The following SLC35D4 variants were observed in gnomAD, a reference collection of about 807,000 sequenced individuals.
SLC35D4 encodes UDP-N-acetylglucosamine transporter SLC35D4.
At chr18:23,418,974 C>T in the SLC35D4 span, among the ~76,000 whole-genome samples, 2 of 151,606 alleles carry the variant, frequency 1.3e-5, no homozygotes, top group Non-Finnish European at 2.9e-5. Flanking sequence ...CGCCACTGCA[C>T]TCCAGCCTGG....
At chr18:23,351,525 A>G in the SLC35D4 span, among the ~76,000 whole-genome samples, 2 of 152,306 alleles carry the variant, frequency 1.3e-5, no homozygotes, top group East Asian at 3.9e-4. Flanking sequence ...AGAAACTTCA[A>G]CCCATAAAAC....
At chr18:23,319,264 AT>A in the SLC35D4 span, among the ~76,000 whole-genome samples, 1 of 149,550 alleles carries the variant, frequency 6.7e-6, no homozygotes, top group African/African-American at 2.5e-5. Context: ...TTATTTATTT[AT>A]TTATTTATTT....
the SLC35D4 span, among the ~76,000 whole-genome samples, chr18:23,282,683 G>A: frequency 1.3e-5 from 2 of 152,234 alleles, no homozygotes; most frequent in East Asian, 3.9e-4. Flanking sequence ...CAGGGTAGGG[G>A]TGGGAGTGGG....
At chr18:23,425,201 A>G in the SLC35D4 span, among the ~76,000 whole-genome samples, 1 of 152,122 alleles carries the variant, frequency 6.6e-6, no homozygotes, top group African/African-American at 2.4e-5. Context: ...CCTGGGTTCA[A>G]GCAATTTGCG....
chr18:23,344,845 C>T, the SLC35D4 span, among the ~76,000 whole-genome samples: 4 of 152,148 alleles, frequency 2.6e-5, no homozygotes, highest in African/African-American at 9.7e-5. Flanking sequence ...CATGATCCGC[C>T]CGCCTTGGCC....
At chr18:23,348,245 C>T in the SLC35D4 span, among the ~76,000 whole-genome samples, 3 of 152,128 alleles carry the variant, frequency 2.0e-5, no homozygotes, top group African/African-American at 7.2e-5. Context: ...GTTTTGTCAA[C>T]CAGCATACTA....
the SLC35D4 span, among the ~76,000 whole-genome samples, chr18:23,264,010 G>T: frequency 6.6e-6 from 1 of 152,166 alleles, no homozygotes; most frequent in African/African-American, 2.4e-5. Flanking sequence ...CCTATCACAG[G>T]GCCTGGTACA....
chr18:23,246,752 C>T, the SLC35D4 span, among the ~76,000 whole-genome samples: 1 of 151,868 alleles, frequency 6.6e-6, no homozygotes, highest in African/African-American at 2.4e-5. Context: ...AGAGCAGTGG[C>T]ACCATCTTGG....
chr18:23,372,061 A>G, the SLC35D4 span, among the ~76,000 whole-genome samples: 5 of 141,924 alleles, frequency 3.5e-5, no homozygotes, highest in South Asian at 2.4e-4. Context: ...TCAGCCTCCC[A>G]AGTAGCTGGG....
chr18:23,279,691 C>T, the SLC35D4 span, among the ~76,000 whole-genome samples: 1 of 152,148 alleles, frequency 6.6e-6, no homozygotes, highest in East Asian at 1.9e-4. Context: ...CCCTCCCTCA[C>T]AGACCTCAGA....
At chr18:23,336,538 A>T in the SLC35D4 span, among the ~76,000 whole-genome samples, 29 of 152,378 alleles carry the variant, frequency 1.9e-4, no homozygotes, top group African/African-American at 6.5e-4. Context: ...TATAAAAGTT[A>T]CATTACAGTA....
chr18:23,411,995 G>T, the SLC35D4 span, among the ~76,000 whole-genome samples: 2 of 152,120 alleles, frequency 1.3e-5, no homozygotes, highest in Non-Finnish European at 2.9e-5. Context: ...GACACCTAGT[G>T]GACCAAAAAA....
the SLC35D4 span, among the ~76,000 whole-genome samples, chr18:23,316,266 A>G: frequency 6.6e-6 from 1 of 152,196 alleles, no homozygotes; most frequent in Non-Finnish European, 1.5e-5. Flanking sequence ...ACAGTCTTGG[A>G]GTCTGTCTGT....
At chr18:23,311,103 C>T in the SLC35D4 span, among the ~76,000 whole-genome samples, 1 of 151,352 alleles carries the variant, frequency 6.6e-6, no homozygotes, top group African/African-American at 2.4e-5. Context: ...TTTTCTCTTC[C>T]CTTTTTTTTT....
the SLC35D4 span, among the ~76,000 whole-genome samples, chr18:23,290,834 C>T: frequency 5.2e-4 from 78 of 150,528 alleles, no homozygotes; most frequent in Middle Eastern, 3.4e-3. Flanking sequence ...AACAGAGTTT[C>T]AACACATTGG....
At chr18:23,276,073 A>G in the SLC35D4 span, among the ~76,000 whole-genome samples, 124 of 151,942 alleles carry the variant, frequency 8.2e-4, no homozygotes, top group African/African-American at 2.8e-3. Flanking sequence ...CTGTGCACTT[A>G]AAAATGGGGA....
the SLC35D4 span, among the ~76,000 whole-genome samples, chr18:23,435,620 T>C: frequency 2.0e-5 from 3 of 152,276 alleles, no homozygotes; most frequent in African/African-American, 7.2e-5. Context: ...ATTGTCCTTT[T>C]CTTCCAGAGT....
chr18:23,249,648 A>T, the SLC35D4 span, among the ~76,000 whole-genome samples: 6 of 152,292 alleles, frequency 3.9e-5, no homozygotes, highest in African/African-American at 1.2e-4. Context: ...AAGCAGCCCC[A>T]TCAGGTTTTC....
chr18:23,333,942 A>C, the SLC35D4 span, among the ~76,000 whole-genome samples: 7 of 152,146 alleles, frequency 4.6e-5, no homozygotes, highest in East Asian at 1.2e-3. Flanking sequence ...TTGCAATTCA[A>C]ATTATGCCTC....
Sources: allele counts gnomAD v4.1 joint callset (sites outside exome capture counted in the v4.1 genomes callset), GRCh38; gene constraint gnomAD v4.1.1; transcripts MANE v1.5; gene names NCBI Gene and HGNC (gene_info 2026-07-23, HGNC 2026-07-21).